Variants in SLX4IP observed in about 807,000 individuals in gnomAD.
SLX4IP encodes the protein protein SLX4IP.
SLX4IP carries 34 observed loss-of-function variants against 32.9 expected under a neutral mutation model. The ratio of observed to expected loss-of-function variants is 1.03; its 90% CI spans 0.79 to 1.38. The LOEUF (loss-of-function observed/expected upper bound fraction) is 1.38. Among genes scored for constraint, SLX4IP ranks in the 40% most tolerant of loss-of-function variants. The pLI is 0.00. For synonymous variants in SLX4IP, 172 were observed against 171.7 expected, an observed-to-expected ratio of 1.00 and a Z score of -0.01; for missense variants, 444 against 479.0, an observed-to-expected ratio of 0.93 and a Z score of 0.68.
intron 2 of SLX4IP, among the ~76,000 whole-genome samples, chr20:10,519,026 C>A (rs1422891181): frequency 4.6e-5 from 7 of 152,086 alleles, no homozygotes; most frequent in African/African-American, 7.2e-5. Context: ...ATTGGAGATG[C>A]TTTATGAAAA....
In SLX4IP at chr20:10,496,455, C is replaced by T. The variant is rs532019031; in HGVS notation, c.27+38224C>T. Among the ~76,000 whole-genome samples the T allele has an allele frequency of 1.6e-4, 25 of 152,244 alleles. No homozygotes were observed. The South Asian group carries it at 5.2e-3, about 32-fold the overall frequency. On this transcript the variant is annotated intron_variant, in intron 2 of 7. Coordinates refer to ENST00000334534, the MANE Select transcript of SLX4IP (RefSeq NM_001009608.3). ...GTAGCAGAAAACCCAATTAGAGAGT[C>T]ACAAACAAATAGGAGTTATTTTTCT...
At chr20:10,545,424 G>A (rs1032781363) in intron 2 of SLX4IP, among the ~76,000 whole-genome samples, 2 of 152,200 alleles carry the variant, frequency 1.3e-5, no homozygotes, top group South Asian at 2.1e-4. Context: ...GTTGACACCC[G>A]CTTTAAAAGA....
intron 2 of SLX4IP, among the ~76,000 whole-genome samples, chr20:10,482,122 G>A (rs1022080394): frequency 1.3e-5 from 2 of 152,244 alleles, no homozygotes; most frequent in Non-Finnish European, 2.9e-5. Context: ...GCAGGGATCA[G>A]TGGGGGCCAC....
chr20:10,606,835 A>AT (rs1568768613), intron 6 of SLX4IP, among the ~76,000 whole-genome samples: 3 of 151,788 alleles, frequency 2.0e-5, no homozygotes, highest in South Asian at 2.1e-4. Context: ...GTTTCTGTCC[A>AT]TTTTTTTTAC....
At chr20:10,616,391 G>GAAAT (rs202239370) in intron 6 of SLX4IP, among the ~76,000 whole-genome samples, 6,416 of 131,424 alleles carry the variant, frequency 0.049, 172 homozygotes, top group Non-Finnish European at 0.063. Context: ...AAAAAAAAAT[G>GAAAT]AAATAAATAA....
intron 5 of SLX4IP, among the ~76,000 whole-genome samples, chr20:10,599,374 G>C (rs1217542241): frequency 1.3e-5 from 2 of 152,128 alleles, no homozygotes; most frequent in African/African-American, 4.8e-5. Context: ...GAATCTTCAT[G>C]ATTATCTGCA....
chr20:10,485,608 G>T (rs1216424233), intron 2 of SLX4IP, among the ~76,000 whole-genome samples: 1 of 138,630 alleles, frequency 7.2e-6, no homozygotes, highest in Non-Finnish European at 1.6e-5. Context: ...GGTGACAAAG[G>T]AGACTCTGTC....
At chr20:10,506,161 T>G (rs907726955) in intron 2 of SLX4IP, among the ~76,000 whole-genome samples, 1 of 152,236 alleles carries the variant, frequency 6.6e-6, no homozygotes, top group Non-Finnish European at 1.5e-5. Flanking sequence ...TGGTAACATA[T>G]AAAATGCAAA....
intron 4 of SLX4IP, among the ~76,000 whole-genome samples, chr20:10,589,257 A>G (rs1404746261): frequency 6.6e-6 from 1 of 152,350 alleles, no homozygotes; most frequent in South Asian, 2.1e-4. Flanking sequence ...TAGGAGATTT[A>G]CCATGTCAAA....
At chr20:10,442,799 G>A (rs1394555305) in intron 1 of SLX4IP, among the ~76,000 whole-genome samples, 1 of 152,196 alleles carries the variant, frequency 6.6e-6, no homozygotes, top group Admixed American at 6.5e-5. Flanking sequence ...GTGTGCGTGT[G>A]TGCACACTTG....
At chr20:10,570,078 A>T (rs2066444553) in intron 4 of SLX4IP, among the ~76,000 whole-genome samples, 1 of 152,170 alleles carries the variant, frequency 6.6e-6, no homozygotes, top group Non-Finnish European at 1.5e-5. Flanking sequence ...TAAGCCAGAG[A>T]CAGCTCTGGG....
intron 2 of SLX4IP, among the ~76,000 whole-genome samples, chr20:10,468,768 A>T (rs2065400590): frequency 6.6e-6 from 1 of 152,026 alleles, no homozygotes; most frequent in Non-Finnish European, 1.5e-5. Context: ...TGTTATGTGC[A>T]GTTTATGTTA....
chr20:10,591,931 T>C (rs1029535960), intron 4 of SLX4IP, among the ~76,000 whole-genome samples: 2 of 152,232 alleles, frequency 1.3e-5, no homozygotes, highest in Non-Finnish European at 2.9e-5. Context: ...AAATGAAATT[T>C]GTGGCACATG....
intron 4 of SLX4IP, among the ~76,000 whole-genome samples, chr20:10,567,827 A>C (rs565576706): frequency 6.6e-6 from 1 of 152,296 alleles, no homozygotes; most frequent in East Asian, 1.9e-4. Flanking sequence ...CAGTCTGCTC[A>C]CTGGACAGAT....
intron 2 of SLX4IP, among the ~76,000 whole-genome samples, chr20:10,467,197 C>T (rs2065387386): frequency 6.6e-6 from 1 of 152,162 alleles, no homozygotes; most frequent in African/African-American, 2.4e-5. Flanking sequence ...TGACTATTAT[C>T]AGTGCTCATT....
intron 7 of SLX4IP, 39 bp from the exon 8 acceptor site, chr20:10,622,620 C>G: frequency 6.4e-7 from 1 of 1,561,540 alleles, no homozygotes; most frequent in Non-Finnish European, 8.6e-7. Flanking sequence ...AGTGCAGTGA[C>G]AGCTTTACAA....
At chr20:10,520,514 T>C (rs868734238) in intron 2 of SLX4IP, among the ~76,000 whole-genome samples, 21 of 146,564 alleles carry the variant, frequency 1.4e-4, no homozygotes, top group African/African-American at 5.2e-4. Flanking sequence ...TGTTTTTAAT[T>C]TGATAAGCCC....
At chr20:10,468,989 T>A (rs987595780) in intron 2 of SLX4IP, among the ~76,000 whole-genome samples, 1 of 152,120 alleles carries the variant, frequency 6.6e-6, no homozygotes, top group Non-Finnish European at 1.5e-5. Context: ...AGAAGAATTG[T>A]CTTGGGCCAC....
chr20:10,523,821 T>C (rs1405537254), intron 2 of SLX4IP, among the ~76,000 whole-genome samples: 1 of 152,276 alleles, frequency 6.6e-6, no homozygotes, highest in African/African-American at 2.4e-5. Flanking sequence ...TCTCACTATA[T>C]AAACAAAAAG....
Sources: allele counts gnomAD v4.1 joint callset (sites outside exome capture counted in the v4.1 genomes callset), GRCh38; gene constraint gnomAD v4.1.1; transcripts MANE v1.5; gene names NCBI Gene and HGNC (gene_info 2026-07-23, HGNC 2026-07-21).